The following MR1 variants were observed in gnomAD, a reference collection of about 807,000 sequenced individuals.
MR1 encodes major histocompatibility complex class I-related protein 1.
In MR1, 44 loss-of-function variants were observed where a neutral mutation model predicts 37.8. That is an observed-to-expected ratio of 1.16 (90% CI 0.91 to 1.50). The LOEUF (loss-of-function observed/expected upper bound fraction) is 1.50. Ranked by LOEUF, MR1 falls within the 40% of genes most tolerant of loss-of-function variation. The probability of loss-of-function intolerance (pLI) is 0.00; values close to 1 mark genes in which losing one functional copy is unlikely to be tolerated. For missense variants in MR1, 386 were observed against 419.1 expected (o/e 0.92, Z 0.69); for synonymous variants, 153 against 155.8 (o/e 0.98, Z 0.13).
rs369914333 is a variant in MR1 at position 181,051,472 on chromosome 1, C to T, written c.605-763C>T. Among the ~76,000 whole-genome samples, 3 of 151,830 alleles carry T rather than the reference C, an allele frequency of 2.0e-5. No individual in the cohort carries two copies. In the East Asian group the frequency reaches 5.8e-4, roughly 29 times the overall value. ...AGGCTCTTCTCCGTATTGGGTTGGC[C>T]GATGATAAGGTGGGGGTCAGGAGGC... On this transcript the variant is annotated intron_variant, in intron 3 of 5. Transcript: ENST00000367580.
intron 5 of MR1, among the ~76,000 whole-genome samples, chr1:181,054,861 C>CAAAAAAG (rs1553271216): frequency 6.7e-6 from 1 of 150,242 alleles, no homozygotes; most frequent in Non-Finnish European, 1.5e-5. Context: ...GACTCTGTCT[C>CAAAAAAG]AAAAAAGAAA....
At position 181,055,442 on chromosome 1, in the gene MR1, G is replaced by T; in HGVS notation, c.*177G>T. ...GCCACAAAATGTTCTTTGTTCTTTG[G>T]CTCCAAAAAGACTGTCAGCTTTCAG... On this transcript the variant is annotated 3_prime_UTR_variant, in exon 6 of 6. Transcript: ENST00000367580. 1 of 592,636 alleles carries T rather than the reference G, an allele frequency of 1.7e-6. No individual in the cohort carries two copies. The highest frequency in any genetic ancestry group is 3.0e-6 in the Non-Finnish European group (1 of 335,568). 36.7% of individuals were successfully genotyped at this position (592,636 alleles called of 1,614,324 possible).
In MR1 at chr1:181,049,307, A is replaced by T. The variant is rs201088898; in HGVS notation, c.323A>T (p.His108Leu). Residue 108 changes from histidine to leucine, a missense_variant, in exon 2 of 6, where the codon CAC (histidine) becomes CTC (leucine). Transcript: ENST00000367580. ...ELKRLQRHYN[H>L]SGSHTYQRMI... ...AAGCGCCTACAGAGGCACTACAATC[A>T]CTCAGGTGTGCATGCGGCAGAGACA... The T allele has an allele frequency of 1.9e-6, 3 of 1,613,002 alleles. No homozygotes were observed. The highest frequency in any genetic ancestry group is 2.7e-5 in the African/African-American group (2 of 74,956).
Position 181,050,100 on chromosome 1 carries a change from G to C in MR1, c.418G>C (p.Asp140His). Residue 140 changes from aspartate (D) to histidine (H), a missense_variant, in exon 3 of 6, where the codon GAT becomes CAT. Coordinates refer to ENST00000367580, the MANE Select transcript of MR1 (RefSeq NM_001385161.1). The stretch of plus-strand genomic sequence containing the variant: ...TCTGCAGTATGCATATGACGGGCAG[G>C]ATTTCCTGATCTTCAATAAAGACAC... Reference protein sequence around the residue: ...GFLQYAYDGQDFLIFNKDTLS... With the variant: ...GFLQYAYDGQHFLIFNKDTLS... 6.2e-7 allele frequency: 1 copy of C among 1,614,216 alleles called. No individual in the cohort carries two copies.
chr1:181,049,922 G>A, intron 2 of MR1, 89 bp from the exon 3 acceptor site: 3 of 1,450,104 alleles, frequency 2.1e-6, no homozygotes, highest in Non-Finnish European at 2.8e-6. Flanking sequence ...TAGACCAAAG[G>A]ATGCTTCCAG....
chr1:181,040,701 T>G (rs1413713643), intron 1 of MR1, among the ~76,000 whole-genome samples: 1 of 151,664 alleles, frequency 6.6e-6, no homozygotes, highest in Admixed American at 6.6e-5. Flanking sequence ...GCCTGGACTT[T>G]GAAGTCAAGG....
chr1:181,054,179 G>A (rs1571401675), intron 5 of MR1, among the ~76,000 whole-genome samples: 2 of 152,160 alleles, frequency 1.3e-5, no homozygotes, highest in East Asian at 3.8e-4. Flanking sequence ...CTTAGAGTAA[G>A]GAAAAGGGGA....
chr1:181,039,604 G>C (rs879492389), intron 1 of MR1, among the ~76,000 whole-genome samples: 2 of 152,072 alleles, frequency 1.3e-5, no homozygotes, highest in African/African-American at 4.8e-5. Flanking sequence ...GGTGGCTCAC[G>C]CCTGTAATCC....
chr1:181,049,672 A>G (rs2102394044), intron 2 of MR1: 1 of 476,112 alleles, frequency 2.1e-6, no homozygotes, highest in East Asian at 3.6e-5. Context: ...GAGTATCGAC[A>G]GTAACTTTCC....
chr1:181,039,936 T>C (rs1657473079), intron 1 of MR1, among the ~76,000 whole-genome samples: 1 of 152,058 alleles, frequency 6.6e-6, no homozygotes, highest in Non-Finnish European at 1.5e-5. Context: ...CTTCATCAAT[T>C]ATTTTACAAT....
At chr1:181,047,987 G>T (rs1282037985) in intron 1 of MR1, among the ~76,000 whole-genome samples, 6 of 151,920 alleles carry the variant, frequency 3.9e-5, no homozygotes, top group African/African-American at 1.4e-4. Flanking sequence ...GGAGGCCGAG[G>T]TGGGTGGATC....
chr1:181,045,473 C>G (rs1657801537), intron 1 of MR1, among the ~76,000 whole-genome samples: 1 of 152,048 alleles, frequency 6.6e-6, no homozygotes, highest in Non-Finnish European at 1.5e-5. Context: ...CACGCCCCGC[C>G]TTCTCGAACC....
In MR1 at chr1:181,057,511, G is replaced by C. The variant is rs960788775; in HGVS notation, c.*2246G>C. On this transcript the variant is annotated 3_prime_UTR_variant, in exon 6 of 6. Transcript: ENST00000367580. Reference sequence around the variant, plus strand: ...ATGCCTTTTGATTCTGCAACTGCAGGATACTCTCATCAAAGACACAGATAA... The same window carrying C: ...ATGCCTTTTGATTCTGCAACTGCAGCATACTCTCATCAAAGACACAGATAA... 1.3e-5 allele frequency: 2 copies of C among 152,132 alleles called. No individual in the cohort carries two copies. The highest frequency in any genetic ancestry group is 4.1e-4 in the South Asian group (2 of 4,820). The allele number at this position is 152,132 out of a possible 1,614,324, so 9.4% of individuals were successfully genotyped here. A position where few individuals can be genotyped will look rare whatever the true frequency, so the allele number is the denominator to read the frequency against.
chr1:181,039,101 G>C (rs115559093), intron 1 of MR1, among the ~76,000 whole-genome samples: 1 of 151,546 alleles, frequency 6.6e-6, no homozygotes, highest in East Asian at 1.9e-4. Flanking sequence ...CACCACACCC[G>C]GCCTCTCTGC....
chr1:181,050,516 G>T, intron 3 of MR1: 1 of 541,716 alleles, frequency 1.8e-6, no homozygotes, highest in Non-Finnish European at 3.3e-6. Context: ...TACCTCCAAG[G>T]GCACCTTGTT....
upstream of MR1, chr1:181,033,470 T>C (rs1296863926): frequency 1.3e-5 from 2 of 152,444 alleles, no homozygotes; most frequent in South Asian, 2.0e-4. Context: ...ATTCAGTAAG[T>C]GTTTTGAGCT....
chr1:181,053,927 A>G (rs1053473942), intron 5 of MR1, among the ~76,000 whole-genome samples: 2 of 152,184 alleles, frequency 1.3e-5, no homozygotes, highest in African/African-American at 4.8e-5. Context: ...GTCCAGGGGA[A>G]CTGTCCCCCT....
At chr1:181,044,098 G>A (rs1458831984) in intron 1 of MR1, among the ~76,000 whole-genome samples, 1 of 151,700 alleles carries the variant, frequency 6.6e-6, no homozygotes, top group African/African-American at 2.4e-5. Flanking sequence ...CAAGTAGCTG[G>A]GACTACAGGT....
intron 1 of MR1, among the ~76,000 whole-genome samples, chr1:181,048,547 A>G (rs1233844063): frequency 2.6e-5 from 4 of 151,968 alleles, no homozygotes; most frequent in Non-Finnish European, 5.9e-5. Flanking sequence ...AAAAAAAAAA[A>G]TGCTCAGTGC....
Sources: gnomAD v4.1 joint callset for allele counts (sites outside exome capture counted in the v4.1 genomes callset) on GRCh38, gnomAD v4.1.1 for gene constraint, MANE v1.5 for transcripts, NCBI Gene and HGNC (gene_info 2026-07-23, HGNC 2026-07-21) for gene names.